The following QSOX1 variants were observed in gnomAD, a reference collection of about 807,000 sequenced individuals.
QSOX1 encodes sulfhydryl oxidase 1.
QSOX1 carries 40 observed loss-of-function variants against 76.1 expected under a neutral mutation model. The observed-to-expected ratio is 0.53, with a 90% CI of 0.41 to 0.68. QSOX1 has a LOEUF of 0.68. Ranked by LOEUF, QSOX1 falls within the 30% of genes least tolerant of loss-of-function variation. The pLI is 0.00. For missense variants in QSOX1, 931 were observed against 974.3 expected, an observed-to-expected ratio of 0.96 and a Z score of 0.59; for synonymous variants, 392 against 413.1, an observed-to-expected ratio of 0.95 and a Z score of 0.62.
chr1:180,177,248 T>A (rs1662920851), intron 4 of QSOX1, among the ~76,000 whole-genome samples: 1 of 121,546 alleles, frequency 8.2e-6, no homozygotes. Context: ...CTCAAAGTGA[T>A]CCTTTTTTTT....
chr1:180,183,982 T>C lies in QSOX1; in HGVS notation c.819T>C (p.Ala273=). 6.2e-7 allele frequency: 1 copy of C among 1,614,044 alleles called. No individual in the cohort carries two copies. The highest frequency in any genetic ancestry group is 1.7e-5 in the Admixed American group (1 of 60,026). ...GACTCTCTGGGCTCACCAGGGAGGCTGCCCAGACCACAGTTGCACCAACCA... is the reference window on the plus strand; with the variant it reads ...GACTCTCTGGGCTCACCAGGGAGGCCGCCCAGACCACAGTTGCACCAACCA... ...LQRLSGLTRE[A]AQTTVAPTTA... Residue 273 remains alanine, a synonymous_variant, in exon 7 of 12, where the codon GCT becomes GCC. Coordinates refer to ENST00000367602, the MANE Select transcript of QSOX1 (RefSeq NM_002826.5).
rs966185207 is a variant in QSOX1, at chr1:180,166,423, A to G, written c.266-68A>G. 13 of 1,291,924 alleles carry G rather than the reference A, an allele frequency of 1.0e-5. No individual in the cohort carries two copies. In the East Asian group the frequency reaches 3.0e-4, roughly 30 times the overall value. 80.0% of individuals were successfully genotyped at this position (1,291,924 alleles called of 1,614,324 possible). On this transcript the variant is annotated intron_variant, in intron 1 of 11. Transcript: ENST00000367602. The stretch of plus-strand genomic sequence containing the variant: ...GTTGGCAGGGGTGAGGCATTGCATT[A>G]GGGGAGATGGGCGGGCAGAGGGGGT...
At chr1:180,158,008 G>A (rs778209065) in intron 1 of QSOX1, among the ~76,000 whole-genome samples, 5 of 152,230 alleles carry the variant, frequency 3.3e-5, no homozygotes, top group African/African-American at 1.2e-4. Flanking sequence ...TTTATTACAC[G>A]CTTGCCTTAT....
chr1:180,178,720 C>A, intron 4 of QSOX1, 74 bp from the exon 5 acceptor site: 1 of 1,329,512 alleles, frequency 7.5e-7, no homozygotes, highest in Non-Finnish European at 1.1e-6. Context: ...GCATCACCAG[C>A]GTCTGGCGTT....
intron 7 of QSOX1, among the ~76,000 whole-genome samples, chr1:180,184,941 A>C (rs982574782): frequency 3.9e-5 from 6 of 152,208 alleles, no homozygotes; most frequent in African/African-American, 1.4e-4. Context: ...TGATCATCAT[A>C]ATCATTCGAT....
At chr1:180,176,123 C>A (rs1005545451) in intron 4 of QSOX1, 90 bp downstream of exon 4, 2 of 1,067,448 alleles carry the variant, frequency 1.9e-6, no homozygotes, top group Non-Finnish European at 2.8e-6. Context: ...GGGCGGGGAC[C>A]CCAGTTTATT....
chr1:180,168,949 G>T (rs1016387873), intron 2 of QSOX1, among the ~76,000 whole-genome samples: 1 of 152,240 alleles, frequency 6.6e-6, no homozygotes, highest in Non-Finnish European at 1.5e-5. Flanking sequence ...CGAAGCAGGG[G>T]GAGGAGAGAG....
chr1:180,175,231 A>T, intron 2 of QSOX1, 90 bp from the exon 3 acceptor site: 1 of 1,209,202 alleles, frequency 8.3e-7, no homozygotes, highest in Non-Finnish European at 1.2e-6. Flanking sequence ...CACCGCATTG[A>T]ATAAGTAGGC....
intron 2 of QSOX1, among the ~76,000 whole-genome samples, chr1:180,171,663 A>T (rs1662762519): frequency 1.3e-5 from 2 of 152,230 alleles, no homozygotes; most frequent in Admixed American, 6.5e-5. Context: ...AGTGCCTTCA[A>T]CAGCTTTTTA....
rs535239190 is a variant in QSOX1, at chr1:180,186,286, T to C, written c.1017+104T>C. ...GTCAGCCCCTCCCTCCAGAAGCCCA[T>C]GGTCTGGCTGGACACCTGGACCCAC... On this transcript the variant is annotated intron_variant, in intron 8 of 11. Coordinates refer to ENST00000367602, the MANE Select transcript of QSOX1 (RefSeq NM_002826.5). 5.6e-5 allele frequency: 81 copies of C among 1,451,602 alleles called. 1 individual carries two copies. In the South Asian group the frequency reaches 1.0e-3, roughly 18 times the overall value. The allele number at this position is 1,451,602 out of a possible 1,614,324, so 89.9% of individuals were successfully genotyped here.
In QSOX1 at chr1:180,189,603, T is replaced by C. The variant is rs779027986; in HGVS notation, c.1069T>C (p.Trp357Arg). Reference protein sequence around the residue: ...VQNFLHSVNEWLKRQKRNKIP... With the variant: ...VQNFLHSVNERLKRQKRNKIP... ...GAACTTCCTGCACTCCGTGAATGAA[T>C]GGCTCAAGAGGCAGAAGAGAAATAA... is the stretch of plus-strand genomic sequence containing the variant. The change falls in exon 9 of 12, where the codon TGG becomes CGG. Residue 357 changes from tryptophan to arginine, a missense_variant. Physicochemically the swap from Trp to Arg is moderately radical, Grantham distance 101 (BLOSUM62 -3). Coordinates refer to ENST00000367602, the MANE Select transcript of QSOX1 (RefSeq NM_002826.5). The C allele has an allele frequency of 5.6e-6, 9 of 1,613,426 alleles. No individual in the cohort carries two copies. The highest frequency in any genetic ancestry group is 2.7e-5 in the African/African-American group (2 of 74,872).
At chr1:180,190,891 G>A (rs1246827778) in intron 10 of QSOX1, among the ~76,000 whole-genome samples, 1 of 152,134 alleles carries the variant, frequency 6.6e-6, no homozygotes, top group Non-Finnish European at 1.5e-5. Flanking sequence ...TTTGCTTTCA[G>A]TCTTCATGAA....
At chr1:180,167,106 C>T (rs939957548) in intron 2 of QSOX1, among the ~76,000 whole-genome samples, 15 of 152,220 alleles carry the variant, frequency 9.9e-5, no homozygotes, top group African/African-American at 3.4e-4. Flanking sequence ...TCTGATGATG[C>T]CTTACCTGCC....
chr1:180,193,100 A>G (rs755625726), intron 10 of QSOX1, among the ~76,000 whole-genome samples: 3 of 152,190 alleles, frequency 2.0e-5, no homozygotes, highest in Non-Finnish European at 2.9e-5. Context: ...AGGAGGCAAG[A>G]TTCTGGAGAT....
intron 3 of QSOX1, 68 bp from the exon 4 acceptor site, chr1:180,175,863 G>A (rs1460927400): frequency 3.2e-6 from 4 of 1,254,086 alleles, no homozygotes; most frequent in Admixed American, 2.0e-5. Flanking sequence ...GGGAGTGAAG[G>A]TGGCCAGTGT....
At chr1:180,164,402 A>G (rs954416172) in intron 1 of QSOX1, among the ~76,000 whole-genome samples, 2 of 152,022 alleles carry the variant, frequency 1.3e-5, no homozygotes, top group African/African-American at 2.4e-5. Context: ...ACCTCCATCT[A>G]CTTCCTCTTC....
In QSOX1 at chr1:180,183,974, A is replaced by G; in HGVS notation, c.811A>G (p.Arg271Gly). The change falls in exon 7 of 12, where the codon AGG becomes GGG. Residue 271 changes from arginine (R) to glycine (G), a missense_variant. Transcript: ENST00000367602. ...AYLQRLSGLT[R>G]EAAQTTVAPT... is the part of the protein sequence containing the mutation. ...CCTGCAGAGACTCTCTGGGCTCACC[A>G]GGGAGGCTGCCCAGACCACAGTTGC... is the stretch of plus-strand genomic sequence containing the variant. The G allele has an allele frequency of 3.7e-6, 6 of 1,613,810 alleles. No individual in the cohort carries two copies. Among genetic ancestry groups the G allele is most frequent in the Non-Finnish European group, 5.1e-6 (6 of 1,179,720 alleles).
intron 4 of QSOX1, among the ~76,000 whole-genome samples, chr1:180,177,312 G>A (rs896177125): frequency 2.6e-5 from 4 of 151,098 alleles, no homozygotes; most frequent in African/African-American, 7.3e-5. Context: ...GGAGTGCAGC[G>A]GCACGATCTT....
intron 1 of QSOX1, among the ~76,000 whole-genome samples, chr1:180,158,122 T>TA (rs531139437): frequency 7.7e-4 from 118 of 152,306 alleles, no homozygotes; most frequent in Middle Eastern, 6.8e-3. Context: ...TTAAAACAGG[T>TA]AAGTAACTTT....
Sources: gnomAD v4.1 joint callset for allele counts (sites outside exome capture counted in the v4.1 genomes callset) on GRCh38, gnomAD v4.1.1 for gene constraint, MANE v1.5 for transcripts, NCBI Gene and HGNC (gene_info 2026-07-23, HGNC 2026-07-21) for gene names.